Variants in ACACB observed in about 807,000 individuals in gnomAD.
The protein encoded by ACACB is acetyl-CoA carboxylase beta.
Under a neutral mutation model 278.8 loss-of-function variants are expected in ACACB, and 209 were observed. The ratio of observed to expected loss-of-function variants is 0.75; its 90% CI spans 0.67 to 0.84. ACACB has a LOEUF of 0.84. Ranked by LOEUF, ACACB falls within the 40% of genes least tolerant of loss-of-function variation. The probability of loss-of-function intolerance (pLI) is 0.00; values close to 1 mark genes in which losing one functional copy is unlikely to be tolerated. For missense variants in ACACB, 2,850 were observed against 3,269.0 expected, an observed-to-expected ratio of 0.87 and a Z score of 3.13; for synonymous variants, 1,174 against 1,285.6, an observed-to-expected ratio of 0.91 and a Z score of 1.86.
At position 109,180,057 on chromosome 12, in the gene ACACB, T is replaced by G. The variant is rs2044414913; in HGVS notation, c.1788T>G (p.Ala596=). ...QVEHPCTEMI[A]DVNLPAAQLQ... ...AACATCCCTGCACAGAAATGATTGC[T>G]GATGTTAATCTGCCGGCCGCCCAGC... The change falls in exon 11 of 53, where the codon GCT becomes GCG. Residue 596 remains alanine (A), a synonymous_variant. Transcript: ENST00000338432. 6.2e-7 allele frequency: 1 copy of G among 1,612,396 alleles called. No individual in the cohort carries two copies. Among genetic ancestry groups the G allele is most frequent in the Non-Finnish European group, 8.5e-7 (1 of 1,179,766 alleles).
intron 1 of ACACB, among the ~76,000 whole-genome samples, chr12:109,127,421 G>GAA (rs35642033): frequency 8.0e-4 from 115 of 144,112 alleles, no homozygotes; most frequent in East Asian, 3.2e-3. Flanking sequence ...TGTCTCTACA[G>GAA]AAAAAAAAAA....
rs896023575 is a variant in ACACB at position 109,194,885 on chromosome 12, G to A, written c.2481+1156G>A. Among the ~76,000 whole-genome samples, 4 of 152,064 alleles carry A rather than the reference G, an allele frequency of 2.6e-5. No individual in the cohort carries two copies. The East Asian group carries it at 5.8e-4, about 22-fold the overall frequency. On this transcript the variant is annotated intron_variant, in intron 16 of 52. Coordinates refer to ENST00000338432, the MANE Select transcript of ACACB (RefSeq NM_001093.4). The stretch of plus-strand genomic sequence containing the variant: ...TTTGCTGAGACAGAATAGTGGGCCC[G>A]GGTCTGTTTCCAGGGGCTCTGAGGC...
rs2045530906 is a variant in ACACB at position 109,206,806 on chromosome 12, A to C, written c.3010A>C (p.Thr1004Pro). The change falls in exon 20 of 53, where the codon ACC becomes CCC. Residue 1004 changes from threonine (T) to proline (P), a missense_variant. Physicochemically the swap from Thr to Pro is conservative, Grantham distance 38. This residue lies in a region of ACACB where 2,265 missense variants were observed against 2,561.3 expected (regional missense o/e 0.88). Transcript: ENST00000338432. ...CTTCCACAGCGTCCTGGAAAACCTC[A>C]CCAACGTCATGAGTGGCTTTTGTCT... ...QVFHSVLENL[T>P]NVMSGFCLPE... 2.5e-6 allele frequency: 4 copies of C among 1,614,126 alleles called. No individual in the cohort carries two copies. Among genetic ancestry groups the C allele is most frequent in the Non-Finnish European group, 3.4e-6 (4 of 1,180,022 alleles).
In ACACB at chr12:109,239,841, C is replaced by T. The variant is rs749335293; in HGVS notation, c.4674C>T (p.Phe1558=). 72 of 1,612,578 alleles carry T rather than the reference C, an allele frequency of 4.5e-5. No individual in the cohort carries two copies. Among genetic ancestry groups the T allele is most frequent in the Non-Finnish European group, 5.8e-5 (68 of 1,179,336 alleles). ...HSDLITKEAS[F]EYLQNEGERL... ...CCACTCTTTGGCAGGAAGCCTCCTT[C>T]GAATACCTGCAGAACGAGGGTGAGC... Residue 1558 remains phenylalanine, a synonymous_variant, in exon 35 of 53, where the codon TTC becomes TTT. Coordinates refer to ENST00000338432, the MANE Select transcript of ACACB (RefSeq NM_001093.4).
At chr12:109,219,339 C>A (rs2046095544) in intron 24 of ACACB, among the ~76,000 whole-genome samples, 1 of 152,152 alleles carries the variant, frequency 6.6e-6, no homozygotes, top group Non-Finnish European at 1.5e-5. Context: ...GGTAAAGAAT[C>A]ATTTAAAAAT....
rs1259648026 is a variant in ACACB, at chr12:109,210,223, G to A, written c.3249+870G>A. On this transcript the variant is annotated intron_variant, in intron 21 of 52. Transcript: ENST00000338432. ...TGTATATATGTATATATACACACAT[G>A]TGTGTATATGTATATATGTATATAT... Among the ~76,000 whole-genome samples, 21 of 10,172 alleles carry A rather than the reference G, an allele frequency of 2.1e-3. 6 individuals are homozygous for A. The highest frequency in any genetic ancestry group is 0.011 in the African/African-American group (15 of 1,374). 6.7% of individuals were successfully genotyped at this position (10,172 alleles called of 152,430 possible).
intron 1 of ACACB, among the ~76,000 whole-genome samples, chr12:109,133,863 A>ATATTT (rs55881936): frequency 1.3e-4 from 9 of 70,632 alleles, no homozygotes; most frequent in African/African-American, 1.8e-4. Context: ...ATATATATAT[A>ATATTT]TTTTTTTTTT....
At chr12:109,213,081 C>T (rs2136445377) in intron 22 of ACACB, 145 bp downstream of exon 22, 1 of 632,492 alleles carries the variant, frequency 1.6e-6, no homozygotes, top group Non-Finnish European at 2.8e-6. Context: ...TTACTAACAG[C>T]AGAACCCTGG....
Position 109,223,883 on chromosome 12 carries a change from C to T in ACACB, c.3861C>T (p.Val1287=), listed in dbSNP as rs751614521. Residue 1287 remains valine, a synonymous_variant, in exon 27 of 53, where the codon GTC becomes GTT. Transcript: ENST00000338432. ...CTTTCTTCTATCACGCAAACAAAGTCGTGTGCATGGCGTCCTTGGAGGTAA... is the reference window on the plus strand; with the variant it reads ...CTTTCTTCTATCACGCAAACAAAGTTGTGTGCATGGCGTCCTTGGAGGTAA... The part of the protein sequence containing the change: ...LPTFFYHANK[V]VCMASLEVYV... The T allele has an allele frequency of 3.5e-5, 57 of 1,614,030 alleles. No homozygotes were observed. The highest frequency in any genetic ancestry group is 3.0e-4 in the South Asian group (27 of 91,070).
At chr12:109,115,766 G>A (rs574311669), upstream of ACACB, among the ~76,000 whole-genome samples, 1 of 152,334 alleles carries the variant, frequency 6.6e-6, no homozygotes, top group South Asian at 2.1e-4. Context: ...GGCTGCACCA[G>A]CCCCAGCAGC....
intron 37 of ACACB, among the ~76,000 whole-genome samples, chr12:109,244,252 T>C (rs1261810026): frequency 6.6e-6 from 1 of 152,174 alleles, no homozygotes; most frequent in Non-Finnish European, 1.5e-5. Context: ...GCCTCATGCA[T>C]AGAGGATATG....
chr12:109,145,157 T>C (rs1373859547), intron 2 of ACACB, among the ~76,000 whole-genome samples: 1 of 141,854 alleles, frequency 7.0e-6, no homozygotes, highest in Non-Finnish European at 1.5e-5. Flanking sequence ...TTCTGATTGG[T>C]TGCTATTGTT....
intron 18 of ACACB, among the ~76,000 whole-genome samples, chr12:109,200,087 A>G (rs1334297103): frequency 6.6e-6 from 1 of 152,098 alleles, no homozygotes; most frequent in Admixed American, 6.5e-5. Flanking sequence ...ATGAGTAAGA[A>G]GGTTAATGAC....
At chr12:109,129,354 C>T (rs1411113069) in intron 1 of ACACB, among the ~76,000 whole-genome samples, 1 of 152,084 alleles carries the variant, frequency 6.6e-6, no homozygotes, top group Non-Finnish European at 1.5e-5. Context: ...GGAGCAGGAC[C>T]CTGCATGTAA....
chr12:109,180,648 G>GT (rs1487147023), intron 11 of ACACB, among the ~76,000 whole-genome samples: 2 of 151,630 alleles, frequency 1.3e-5, no homozygotes, highest in Non-Finnish European at 2.9e-5. Context: ...TTTTGTTTTT[G>GT]TTTTTTTGAG....
intron 9 of ACACB, among the ~76,000 whole-genome samples, chr12:109,178,561 A>G (rs2044351252): frequency 6.6e-6 from 1 of 152,242 alleles, no homozygotes; most frequent in South Asian, 2.1e-4. Flanking sequence ...ACCATTTCAC[A>G]GAGTTTGACT....
chr12:109,138,066 T>G (rs1565854375), intron 1 of ACACB, among the ~76,000 whole-genome samples: 1 of 151,932 alleles, frequency 6.6e-6, no homozygotes, highest in Non-Finnish European at 1.5e-5. Flanking sequence ...CCCAGCTAAT[T>G]TTTGTATTTT....
rs2045736519 is a variant in ACACB at position 109,210,235 on chromosome 12, A to ATATATGTATATACACACACGTGTG, written c.3249+894_3249+895insCACACACGTGTGTATATGTATATA. On this transcript the variant is annotated intron_variant, in intron 21 of 52. Transcript: ENST00000338432. ...TATATACACACATGTGTGTATATGT[A>ATATATGTATATACACACACGTGTG]TATATGTATATATACACACATGTGT... Among the ~76,000 whole-genome samples the ATATATGTATATACACACACGTGTG allele has an allele frequency of 1.9e-4, 4 of 21,076 alleles. 2 individuals carry two copies. The highest frequency in any genetic ancestry group is 4.7e-4 in the African/African-American group (2 of 4,228). 13.8% of individuals were successfully genotyped at this position (21,076 alleles called of 152,430 possible). A position where few individuals can be genotyped will look rare whatever the true frequency, so the allele number is the denominator to read the frequency against.
chr12:109,194,808 G>T lies in ACACB; in HGVS notation c.2481+1079G>T, dbSNP rs1225813126. Among the ~76,000 whole-genome samples, 4 of 152,214 alleles carry T rather than the reference G, an allele frequency of 2.6e-5. 1 individual carries two copies. The highest frequency in any genetic ancestry group is 9.6e-5 in the African/African-American group (4 of 41,512). On this transcript the variant is annotated intron_variant, in intron 16 of 52. Transcript: ENST00000338432. ...GGTCACATTCCAAGGTTCCAGGAAG[G>T]CCATGAATTTTGGAGGATATTATTC...
Sources: gnomAD v4.1 joint callset for allele counts (sites outside exome capture counted in the v4.1 genomes callset) on GRCh38, gnomAD v4.1.1 for gene constraint, gnomAD v4.1.1 regional missense constraint, MANE v1.5 for transcripts, NCBI Gene and HGNC (gene_info 2026-07-23, HGNC 2026-07-21) for gene names.